The following NKAIN3 variants were observed in gnomAD, a reference collection of about 807,000 sequenced individuals.
NKAIN3 encodes the protein sodium/potassium-transporting ATPase subunit beta-1-interacting protein 3.
Under a neutral mutation model 30.2 loss-of-function variants are expected in NKAIN3, and 25 were observed. The observed-to-expected ratio is 0.83, with a 90% confidence interval of 0.60 to 1.16. NKAIN3 has a LOEUF of 1.16. Ranked by LOEUF, NKAIN3 falls within the 50% of genes most tolerant of loss-of-function variation. NKAIN3 has a pLI of 0.00. For synonymous variants in NKAIN3, 91 were observed against 89.6 expected (o/e 1.02, Z -0.09); for missense variants, 225 against 254.1 (o/e 0.89, Z 0.78).
intron 3 of NKAIN3, among the ~76,000 whole-genome samples, chr8:62,698,193 A>G (rs1472994761): frequency 6.6e-6 from 1 of 152,230 alleles, no homozygotes; most frequent in Admixed American, 6.5e-5. Context: ...AACAGCATCA[A>G]TGGAATAAGC....
intron 4 of NKAIN3, among the ~76,000 whole-genome samples, chr8:62,819,890 A>T (rs1286858999): frequency 1.3e-5 from 2 of 152,160 alleles, no homozygotes; most frequent in Non-Finnish European, 2.9e-5. Context: ...TTTGCTTTTT[A>T]AAAATAAGCA....
At chr8:62,862,740 A>G (rs1300320130) in intron 4 of NKAIN3, among the ~76,000 whole-genome samples, 1 of 152,214 alleles carries the variant, frequency 6.6e-6, no homozygotes, top group Non-Finnish European at 1.5e-5. Context: ...ACCTGAAGAA[A>G]TGGAAAGAAT....
chr8:62,889,376 A>G (rs555759823), intron 4 of NKAIN3, among the ~76,000 whole-genome samples: 2 of 152,034 alleles, frequency 1.3e-5, no homozygotes, highest in East Asian at 3.9e-4. Context: ...ATCTCGAAAA[A>G]AATAATAATA....
At chr8:62,701,900 A>G (rs541874015) in intron 3 of NKAIN3, among the ~76,000 whole-genome samples, 1 of 152,248 alleles carries the variant, frequency 6.6e-6, no homozygotes, top group East Asian at 1.9e-4. Flanking sequence ...AAGTCCACCT[A>G]CGCTCCACTT....
At chr8:62,412,409 A>G (rs1426676463) in intron 1 of NKAIN3, among the ~76,000 whole-genome samples, 2 of 152,150 alleles carry the variant, frequency 1.3e-5, no homozygotes, top group Non-Finnish European at 2.9e-5. Flanking sequence ...CTGGACCCCT[A>G]CCTTTCACTA....
At chr8:62,853,587 T>C (rs778691821) in intron 4 of NKAIN3, among the ~76,000 whole-genome samples, 25 of 152,286 alleles carry the variant, frequency 1.6e-4, no homozygotes, top group Non-Finnish European at 3.1e-4. Flanking sequence ...TTTATTTGAA[T>C]CTTCTCTATG....
chr8:62,735,916 G>C (rs1338445852), intron 3 of NKAIN3, among the ~76,000 whole-genome samples: 1 of 152,038 alleles, frequency 6.6e-6, no homozygotes, highest in Non-Finnish European at 1.5e-5. Flanking sequence ...TTCTCTCCTG[G>C]ATCTAGGCTC....
chr8:62,319,459 G>T (rs1814791763), intron 1 of NKAIN3, among the ~76,000 whole-genome samples: 1 of 151,900 alleles, frequency 6.6e-6, no homozygotes, highest in Admixed American at 6.5e-5. Flanking sequence ...GCTTTCTCTT[G>T]TGGGCATTTA....
chr8:62,720,879 A>G lies in NKAIN3; in HGVS notation c.274-26053A>G, dbSNP rs373601599. ...GCTGATATGTTTTCAGCACCCTTTC[A>G]CTTAACTGTACTTTGGAGTTTTTGC... On this transcript the variant is annotated intron_variant, in intron 3 of 6. Coordinates refer to ENST00000623646, the MANE Select transcript of NKAIN3 (RefSeq NM_001304533.3). Among the ~76,000 whole-genome samples the G allele has an allele frequency of 2.5e-3, 377 of 152,328 alleles. 2 individuals carry two copies. The highest frequency in any genetic ancestry group is 8.7e-3 in the African/African-American group (360 of 41,582).
At chr8:62,874,050 GT>G (rs1193194677) in intron 4 of NKAIN3, among the ~76,000 whole-genome samples, 1 of 151,770 alleles carries the variant, frequency 6.6e-6, no homozygotes, top group African/African-American at 2.4e-5. Flanking sequence ...TCAGGAGCTG[GT>G]TTTTTGAAAA....
intron 4 of NKAIN3, among the ~76,000 whole-genome samples, chr8:62,814,596 T>C (rs1818615405): frequency 6.6e-6 from 1 of 151,894 alleles, no homozygotes; most frequent in Non-Finnish European, 1.5e-5. Context: ...ACCACTCAAA[T>C]ACATGGAAAC....
intron 5 of NKAIN3, chr8:62,991,183 T>C (rs571163644): frequency 1.2e-3 from 182 of 152,130 alleles, no homozygotes; most frequent in African/African-American, 4.2e-3. Context: ...ACTGGACAGG[T>C]GGGAGGTAGG....
intron 5 of NKAIN3, among the ~76,000 whole-genome samples, chr8:62,935,640 A>T (rs1439153569): frequency 2.0e-5 from 3 of 152,164 alleles, no homozygotes; most frequent in Non-Finnish European, 4.4e-5. Flanking sequence ...AAAAAGATCG[A>T]TATACATAGA....
At chr8:62,278,699 G>T (rs918281204) in intron 1 of NKAIN3, among the ~76,000 whole-genome samples, 4 of 152,118 alleles carry the variant, frequency 2.6e-5, no homozygotes, top group African/African-American at 9.7e-5. Flanking sequence ...CCCTATAAAG[G>T]ACATGAACTC....
intron 4 of NKAIN3, among the ~76,000 whole-genome samples, chr8:62,755,360 A>T (rs1326540194): frequency 6.6e-6 from 1 of 152,324 alleles, no homozygotes; most frequent in Non-Finnish European, 1.5e-5. Context: ...TTGCAGCTCC[A>T]CTATTAGAAA....
At chr8:62,294,024 G>A (rs1297321631) in intron 1 of NKAIN3, among the ~76,000 whole-genome samples, 1 of 152,162 alleles carries the variant, frequency 6.6e-6, no homozygotes, top group East Asian at 1.9e-4. Flanking sequence ...GTGAGGGTGG[G>A]ACCCTTCGAG....
At chr8:62,327,672 C>T (rs1473963729) in intron 1 of NKAIN3, among the ~76,000 whole-genome samples, 1 of 152,018 alleles carries the variant, frequency 6.6e-6, no homozygotes, top group East Asian at 1.9e-4. Flanking sequence ...GCCAAATGCA[C>T]TGTTTTGATT....
chr8:62,538,396 A>G (rs1808733175), intron 1 of NKAIN3, among the ~76,000 whole-genome samples: 1 of 152,066 alleles, frequency 6.6e-6, no homozygotes, highest in African/African-American at 2.4e-5. Flanking sequence ...GCTGTTCTCG[A>G]GCTCCTGAGC....
In NKAIN3 at chr8:62,686,451, A is replaced by C. The variant is rs73685435; in HGVS notation, c.274-60481A>C. ...GTGTGACAATCTCTGTACAGCCTGC[A>C]GAAAAAAAAGTGTTTTTAGAGAAAG... On this transcript the variant is annotated intron_variant, in intron 3 of 6. Coordinates refer to ENST00000623646, the MANE Select transcript of NKAIN3 (RefSeq NM_001304533.3). 9.8e-3 allele frequency among the ~76,000 whole-genome samples: 1,489 copies of C among 152,208 alleles called. 23 individuals are homozygous for C. Among genetic ancestry groups the C allele is most frequent in the African/African-American group, 0.034 (1,411 of 41,540 alleles).
Sources: allele counts gnomAD v4.1 joint callset (sites outside exome capture counted in the v4.1 genomes callset), GRCh38; gene constraint gnomAD v4.1.1; transcripts MANE v1.5; gene names NCBI Gene and HGNC (gene_info 2026-07-23, HGNC 2026-07-21).